ZNF83: variants seen among roughly 807,000 people sequenced by gnomAD.
ZNF83 encodes zinc finger protein 816B.
For synonymous variants in ZNF83, 209 were observed against 213.0 expected (o/e 0.98, Z 0.17); for missense variants, 552 against 629.9 (o/e 0.88, Z 1.32).
chr19:52,663,289 A>G (rs1047515301), intron 1 of ZNF83, among the ~76,000 whole-genome samples: 2 of 152,234 alleles, frequency 1.3e-5, no homozygotes, highest in Non-Finnish European at 2.9e-5. Context: ...GAAAAATGAC[A>G]GTAATACGTT....
chr19:52,634,271 C>G (rs2061070592), intron 2 of ZNF83, among the ~76,000 whole-genome samples: 1 of 117,396 alleles, frequency 8.5e-6, no homozygotes. Context: ...GACTCCATCT[C>G]AAAGCAACAA....
chr19:52,688,806 A>G (rs922664940), intron 1 of ZNF83, among the ~76,000 whole-genome samples: 3 of 152,300 alleles, frequency 2.0e-5, no homozygotes, highest in African/African-American at 7.2e-5. Flanking sequence ...TGGCAAGGCA[A>G]GGTTTAAAAA....
At chr19:52,683,530 G>GCGCATCACATGCTGGT (rs1296406561) in intron 1 of ZNF83, among the ~76,000 whole-genome samples, 1 of 83,582 alleles carries the variant, frequency 1.2e-5, no homozygotes, top group Non-Finnish European at 2.3e-5. Flanking sequence ...CCAAAGGGAA[G>GCGCATCACATGCTGGT]GGCAAAGTCC....
chr19:52,642,755 G>T (rs2061324811), upstream of ZNF83, among the ~76,000 whole-genome samples: 1 of 152,200 alleles, frequency 6.6e-6, no homozygotes, highest in Non-Finnish European at 1.5e-5. Context: ...GTGCATGTCT[G>T]TGTGTCTGTG....
At chr19:52,650,411 C>G (rs1296130309) in intron 3 of ZNF83, 1 of 152,176 alleles carries the variant, frequency 6.6e-6, no homozygotes, top group Admixed American at 6.6e-5. Context: ...GCATGTGCCA[C>G]AAAGTCTGGC....
chr19:52,626,510 T>C (rs2060742630), intron 2 of ZNF83, among the ~76,000 whole-genome samples: 2 of 152,170 alleles, frequency 1.3e-5, no homozygotes, highest in Non-Finnish European at 1.5e-5. Context: ...ACTTTCTAAC[T>C]GAGTGTCTTG....
At chr19:52,648,559 T>C (rs1270478550) in intron 3 of ZNF83, among the ~76,000 whole-genome samples, 2 of 152,040 alleles carry the variant, frequency 1.3e-5, no homozygotes, top group East Asian at 3.8e-4. Context: ...TAGCCAGTTC[T>C]TTTTTTTGAC....
At chr19:52,623,564 A>G (rs142456312) in intron 2 of ZNF83, among the ~76,000 whole-genome samples, 2,588 of 152,184 alleles carry the variant, frequency 0.017, 35 homozygotes, top group Non-Finnish European at 0.027. Context: ...GACTACAGCC[A>G]CATCTCATTG....
intron 1 of ZNF83, among the ~76,000 whole-genome samples, chr19:52,684,805 A>G (rs1382336221): frequency 6.6e-6 from 1 of 152,138 alleles, no homozygotes; most frequent in Non-Finnish European, 1.5e-5. Flanking sequence ...GAAAAAAAAA[A>G]TGTGACTGGG....
At chr19:52,620,002 T>C (rs1177284710) in intron 2 of ZNF83, among the ~76,000 whole-genome samples, 1 of 152,136 alleles carries the variant, frequency 6.6e-6, no homozygotes, top group Middle Eastern at 3.2e-3. Context: ...TGAGCTATGA[T>C]TGCACCACTG....
chr19:52,645,852 A>T (rs2061366607), intron 3 of ZNF83, among the ~76,000 whole-genome samples: 1 of 150,204 alleles, frequency 6.7e-6, no homozygotes, highest in Admixed American at 6.6e-5. Context: ...AATGAAGAGG[A>T]AACAGAAAAA....
intron 1 of ZNF83, among the ~76,000 whole-genome samples, chr19:52,662,908 A>C (rs1211816432): frequency 6.6e-6 from 1 of 152,138 alleles, no homozygotes; most frequent in Non-Finnish European, 1.5e-5. Context: ...CATGCCTGTA[A>C]TCCCAGCACT....
intron 1 of ZNF83, among the ~76,000 whole-genome samples, chr19:52,687,572 TA>T (rs1177620215): frequency 0.011 from 415 of 36,094 alleles, 8 homozygotes; most frequent in African/African-American, 0.042. Flanking sequence ...TATATATATA[TA>T]AATTTTATAT....
At chr19:52,669,134 C>T (rs1190298658) in intron 1 of ZNF83, among the ~76,000 whole-genome samples, 1 of 152,176 alleles carries the variant, frequency 6.6e-6, no homozygotes, top group Non-Finnish European at 1.5e-5. Context: ...GGACACTTTA[C>T]TGAGTAACTG....
intron 2 of ZNF83, among the ~76,000 whole-genome samples, chr19:52,620,848 A>T (rs1160723785): frequency 6.6e-6 from 1 of 152,168 alleles, no homozygotes; most frequent in African/African-American, 2.4e-5. Flanking sequence ...CCAATGGATC[A>T]ACCTCATGAC....
intron 1 of ZNF83, among the ~76,000 whole-genome samples, chr19:52,664,321 G>C (rs906896712): frequency 2.0e-5 from 3 of 151,844 alleles, no homozygotes; most frequent in African/African-American, 7.3e-5. Flanking sequence ...CATGGAGAAA[G>C]CCCGTCTCTA....
chr19:52,627,358 A>T (rs573687859), intron 2 of ZNF83, among the ~76,000 whole-genome samples: 210 of 142,942 alleles, frequency 1.5e-3, no homozygotes, highest in African/African-American at 5.2e-3. Context: ...AAGGAGAGGC[A>T]TAAAAAAGAA....
In ZNF83 at chr19:52,687,396, T is replaced by C. The variant is rs1292150328; in HGVS notation, c.-283+3047A>G. Among the ~76,000 whole-genome samples the C allele has an allele frequency of 5.8e-5, 3 of 51,782 alleles. 1 individual carries two copies. In the East Asian group the frequency reaches 1.3e-3, roughly 23 times the overall value. 34.0% of individuals were successfully genotyped at this position (51,782 alleles called of 152,430 possible). ...AAATTATAATTTATATATATATAAT[T>C]TATATAGCTATATAAATTATAATAT... On this transcript the variant is annotated intron_variant, in intron 1 of 5. Transcript: ENST00000594682.
chr19:52,643,948 G>A (rs1420709792), intron 3 of ZNF83, among the ~76,000 whole-genome samples: 1 of 152,188 alleles, frequency 6.6e-6, no homozygotes, highest in African/African-American at 2.4e-5. Flanking sequence ...CATGAGATGA[G>A]GGCAAGTTCC....
Sources: allele counts gnomAD v4.1 joint callset (sites outside exome capture counted in the v4.1 genomes callset), GRCh38; gene constraint gnomAD v4.1.1; transcripts MANE v1.5; gene names NCBI Gene and HGNC (gene_info 2026-07-23, HGNC 2026-07-21).